Variants in MCPH1 observed in about 807,000 individuals in gnomAD.
MCPH1 encodes the protein microcephalin.
Under a neutral mutation model 84.5 loss-of-function variants are expected in MCPH1, and 104 were observed. The observed-to-expected ratio is 1.23, with a 90% CI of 1.05 to 1.45. MCPH1 has a LOEUF of 1.45. Among genes scored for constraint, MCPH1 ranks in the 40% most tolerant of loss-of-function variants. The pLI is 0.00. For synonymous variants in MCPH1, 514 were observed against 366.8 expected, an observed-to-expected ratio of 1.40 and a Z score of -4.58; for missense variants, 1,498 against 1,005.7, an observed-to-expected ratio of 1.49 and a Z score of -6.62.
At chr8:6,514,442 G>C (rs1815829217) in intron 12 of MCPH1, among the ~76,000 whole-genome samples, 1 of 152,134 alleles carries the variant, frequency 6.6e-6, no homozygotes, top group Non-Finnish European at 1.5e-5. Flanking sequence ...ATCTGCCTCG[G>C]CCTCCCAAAG....
intron 9 of MCPH1, among the ~76,000 whole-genome samples, chr8:6,461,581 G>A (rs995383077): frequency 6.6e-6 from 1 of 151,062 alleles, no homozygotes; most frequent in Non-Finnish European, 1.5e-5. Context: ...CTCAAGTGAT[G>A]TGCCCGCCTC....
At chr8:6,564,172 G>C (rs1441502629) in intron 12 of MCPH1, among the ~76,000 whole-genome samples, 1 of 152,014 alleles carries the variant, frequency 6.6e-6, no homozygotes, top group Non-Finnish European at 1.5e-5. Flanking sequence ...AGTAGAGACA[G>C]GGTTTCACCA....
At chr8:6,500,983 CTTG>C (rs796367651) in intron 12 of MCPH1, 21 of 152,284 alleles carry the variant, frequency 1.4e-4, no homozygotes, top group South Asian at 6.2e-4. Context: ...ATCCTAGAAA[CTTG>C]TTGTTGTCTT....
intron 4 of MCPH1, 76 bp from the exon 5 acceptor site, chr8:6,435,972 A>C: frequency 6.4e-7 from 1 of 1,563,376 alleles, no homozygotes; most frequent in Admixed American, 1.9e-5. Context: ...GGTATCAGAA[A>C]TGTATGCGAA....
chr8:6,432,871 C>T (rs1007332421), intron 4 of MCPH1, among the ~76,000 whole-genome samples: 13 of 152,202 alleles, frequency 8.5e-5, no homozygotes, highest in African/African-American at 3.1e-4. Flanking sequence ...AAAAACACAT[C>T]AGTAGTACAT....
intron 12 of MCPH1, among the ~76,000 whole-genome samples, chr8:6,596,829 C>T (rs7844613): frequency 0.22 from 33,566 of 152,068 alleles, 3,827 homozygotes; most frequent in Non-Finnish European, 0.25. Flanking sequence ...ACACATGCAG[C>T]GGAGAATAAT....
At chr8:6,640,125 T>C (rs1444436123) in intron 13 of MCPH1, among the ~76,000 whole-genome samples, 3 of 151,480 alleles carry the variant, frequency 2.0e-5, no homozygotes, top group Non-Finnish European at 4.4e-5. Context: ...TGTGTGCGTG[T>C]GTGTGTGTGT....
intron 2 of MCPH1, among the ~76,000 whole-genome samples, chr8:6,413,185 C>T (rs1262448181): frequency 6.6e-6 from 1 of 152,126 alleles, no homozygotes; most frequent in Non-Finnish European, 1.5e-5. Context: ...AAAATGCTAG[C>T]ACAAATATTA....
intron 12 of MCPH1, among the ~76,000 whole-genome samples, chr8:6,552,624 G>A (rs1158226310): frequency 6.6e-6 from 1 of 152,096 alleles, no homozygotes. Flanking sequence ...TACCGTTCCT[G>A]CAATTGTGTA....
intron 12 of MCPH1, among the ~76,000 whole-genome samples, chr8:6,522,390 A>G (rs571834710): frequency 9.2e-5 from 14 of 151,812 alleles, no homozygotes; most frequent in Admixed American, 7.2e-4. Flanking sequence ...CGCTTAGACT[A>G]GCGCCTGTCA....
intron 12 of MCPH1, among the ~76,000 whole-genome samples, chr8:6,598,370 A>G (rs993434554): frequency 6.6e-6 from 1 of 152,336 alleles, no homozygotes; most frequent in Non-Finnish European, 1.5e-5. Context: ...GAGGCAAAGC[A>G]GAAGCCCCGA....
intron 12 of MCPH1, among the ~76,000 whole-genome samples, chr8:6,567,999 G>A (rs1344336351): frequency 2.6e-5 from 4 of 152,254 alleles, no homozygotes; most frequent in South Asian, 4.2e-4. Flanking sequence ...CCCATATTCT[G>A]TGTCGGCAAC....
chr8:6,424,832 T>C (rs2922834), intron 3 of MCPH1, among the ~76,000 whole-genome samples: 2,016 of 152,364 alleles, frequency 0.013, 47 homozygotes, highest in African/African-American at 0.045. Context: ...GAGTCTCCTG[T>C]GTTCTTCCTT....
At chr8:6,495,825 A>G (rs907805896) in intron 11 of MCPH1, among the ~76,000 whole-genome samples, 1 of 152,200 alleles carries the variant, frequency 6.6e-6, no homozygotes, top group African/African-American at 2.4e-5. Context: ...GGAATGTAAA[A>G]CATACTTTTG....
In MCPH1 at chr8:6,646,153, C is replaced by G. The variant is rs751765133; in HGVS notation, c.*3104C>G. 5 of 152,118 alleles carry G rather than the reference C, an allele frequency of 3.3e-5. No individual in the cohort carries two copies. The highest frequency in any genetic ancestry group is 5.9e-5 in the Non-Finnish European group (4 of 68,032). 9.4% of individuals were successfully genotyped at this position (152,118 alleles called of 1,614,324 possible). ...TAATTACAAAGTATCAGCCAGGTGC[C>G]GTGGCTCACATCTGTAATACCAGCT... On this transcript the variant is annotated 3_prime_UTR_variant, in exon 14 of 14. Coordinates refer to ENST00000344683, the MANE Select transcript of MCPH1 (RefSeq NM_024596.5).
At chr8:6,466,178 C>A (rs1643904981) in intron 9 of MCPH1, among the ~76,000 whole-genome samples, 1 of 139,490 alleles carries the variant, frequency 7.2e-6, no homozygotes, top group African/African-American at 2.7e-5. Flanking sequence ...TGCTCTATCG[C>A]CAGGCTGGAG....
intron 12 of MCPH1, among the ~76,000 whole-genome samples, chr8:6,526,501 T>C (rs951678256): frequency 2.0e-5 from 3 of 151,990 alleles, no homozygotes; most frequent in East Asian, 1.9e-4. Context: ...TGGTCTCAAA[T>C]GTTCATTTAC....
chr8:6,593,023 C>T (rs1280039225), intron 12 of MCPH1, among the ~76,000 whole-genome samples: 1 of 151,484 alleles, frequency 6.6e-6, no homozygotes, highest in Non-Finnish European at 1.5e-5. Flanking sequence ...TTTATTCCTG[C>T]CTCAGTCAAA....
At chr8:6,496,514 G>T (rs1241937448) in intron 11 of MCPH1, among the ~76,000 whole-genome samples, 2 of 151,988 alleles carry the variant, frequency 1.3e-5, no homozygotes, top group African/African-American at 4.8e-5. Flanking sequence ...TCGCCACACG[G>T]AAGCCCCCCC....
Sources: gnomAD v4.1 joint callset for allele counts (sites outside exome capture counted in the v4.1 genomes callset) on GRCh38, gnomAD v4.1.1 for gene constraint, MANE v1.5 for transcripts, NCBI Gene and HGNC (gene_info 2026-07-23, HGNC 2026-07-21) for gene names.